Variants in TSHZ2 observed in about 807,000 individuals in gnomAD.
TSHZ2 encodes teashirt homolog 2.
A neutral mutation model predicts 74.4 loss-of-function variants in TSHZ2; 21 were observed. The observed-to-expected ratio is 0.28, with a 90% CI of 0.20 to 0.41. TSHZ2 has a LOEUF of 0.41. Among genes scored for constraint, TSHZ2 ranks in the 10% least tolerant of loss-of-function variants. TSHZ2 has a pLI of 1.00. For missense variants in TSHZ2, 1,244 were observed against 1,293.5 expected, an observed-to-expected ratio of 0.96 and a Z score of 0.59; for synonymous variants, 540 against 515.3, an observed-to-expected ratio of 1.05 and a Z score of -0.65.
intron 1 of TSHZ2, among the ~76,000 whole-genome samples, chr20:53,250,199 A>G (rs1990293762): frequency 6.6e-6 from 1 of 152,246 alleles, no homozygotes; most frequent in East Asian, 1.9e-4. Context: ...AGGAAGTTCT[A>G]TAGAGAACAG....
At chr20:53,280,679 T>A (rs1380826572) in intron 2 of TSHZ2, among the ~76,000 whole-genome samples, 3 of 149,760 alleles carry the variant, frequency 2.0e-5, no homozygotes, top group Non-Finnish European at 4.4e-5. Flanking sequence ...TTGTTGTTGT[T>A]GTTGTGTGTG....
intron 1 of TSHZ2, among the ~76,000 whole-genome samples, chr20:53,094,316 T>C (rs1279586776): frequency 6.6e-6 from 1 of 152,232 alleles, no homozygotes; most frequent in Admixed American, 6.5e-5. Flanking sequence ...AAAAACAATC[T>C]TGTAACTATT....
intron 1 of TSHZ2, among the ~76,000 whole-genome samples, chr20:52,982,585 T>C (rs1981608669): frequency 6.6e-6 from 1 of 152,240 alleles, no homozygotes; most frequent in Admixed American, 6.5e-5. Context: ...GGTATTGTTC[T>C]AGGTGCTGTA....
intron 2 of TSHZ2, among the ~76,000 whole-genome samples, chr20:53,441,924 C>T (rs950538960): frequency 4.6e-5 from 7 of 152,140 alleles, no homozygotes; most frequent in African/African-American, 9.7e-5. Flanking sequence ...TCTCTCCACT[C>T]GAGGGCTGTG....
intron 1 of TSHZ2, among the ~76,000 whole-genome samples, chr20:53,197,551 T>C (rs1465695849): frequency 1.3e-5 from 2 of 152,232 alleles, no homozygotes; most frequent in Non-Finnish European, 2.9e-5. Context: ...ATTCACACTG[T>C]GGGAAATGGC....
intron 1 of TSHZ2, among the ~76,000 whole-genome samples, chr20:53,140,637 C>A (rs576249732): frequency 6.6e-6 from 1 of 152,222 alleles, no homozygotes; most frequent in Non-Finnish European, 1.5e-5. Flanking sequence ...TGATTCTGAC[C>A]CCCATGGCTA....
At chr20:53,405,158 A>G (rs1437076582) in intron 2 of TSHZ2, among the ~76,000 whole-genome samples, 1 of 148,326 alleles carries the variant, frequency 6.7e-6, no homozygotes, top group East Asian at 1.9e-4. Context: ...CTGGGGCAGG[A>G]GAATCACTTG....
intron 1 of TSHZ2, among the ~76,000 whole-genome samples, chr20:53,225,405 GTGAT>G (rs1406494499): frequency 6.6e-6 from 1 of 152,222 alleles, no homozygotes; most frequent in Non-Finnish European, 1.5e-5. Flanking sequence ...TAACTATTGA[GTGAT>G]TGATTGATTG....
At chr20:53,154,153 GCAAT>G (rs959196054) in intron 1 of TSHZ2, among the ~76,000 whole-genome samples, 1 of 152,186 alleles carries the variant, frequency 6.6e-6, no homozygotes, top group African/African-American at 2.4e-5. Flanking sequence ...CAATTTACCA[GCAAT>G]CAGTCATACT....
intron 1 of TSHZ2, among the ~76,000 whole-genome samples, chr20:53,192,134 C>T (rs1021633493): frequency 2.0e-5 from 3 of 152,012 alleles, no homozygotes; most frequent in African/African-American, 7.2e-5. Context: ...GAAATGGAGG[C>T]TCAGAGTGGT....
At chr20:53,361,474 C>T (rs776774765) in intron 2 of TSHZ2, among the ~76,000 whole-genome samples, 20 of 152,144 alleles carry the variant, frequency 1.3e-4, no homozygotes, top group Non-Finnish European at 2.4e-4. Flanking sequence ...ATCAGAAGTA[C>T]CTGCAAAACA....
At chr20:53,143,362 A>G (rs1315603102) in intron 1 of TSHZ2, among the ~76,000 whole-genome samples, 3 of 152,090 alleles carry the variant, frequency 2.0e-5, no homozygotes, top group African/African-American at 7.2e-5. Context: ...TGTTGGGCCA[A>G]CTCCCCATGC....
chr20:53,358,768 T>A (rs1478682187), intron 2 of TSHZ2, among the ~76,000 whole-genome samples: 1 of 152,230 alleles, frequency 6.6e-6, no homozygotes, highest in East Asian at 1.9e-4. Context: ...AAACCATTCA[T>A]CCGTTAGGGT....
At chr20:53,356,690 G>A (rs1980859432) in intron 2 of TSHZ2, among the ~76,000 whole-genome samples, 1 of 152,094 alleles carries the variant, frequency 6.6e-6, no homozygotes, top group Non-Finnish European at 1.5e-5. Flanking sequence ...TTTTGGGACA[G>A]AACTCTCAAA....
intron 1 of TSHZ2, among the ~76,000 whole-genome samples, chr20:53,043,075 G>A (rs1984102599): frequency 6.6e-6 from 1 of 152,062 alleles, no homozygotes; most frequent in Non-Finnish European, 1.5e-5. Context: ...TTTTAGGTTG[G>A]CAAAGAAAGC....
At chr20:53,167,063 C>A (rs781450203) in intron 1 of TSHZ2, among the ~76,000 whole-genome samples, 3 of 152,126 alleles carry the variant, frequency 2.0e-5, no homozygotes, top group Non-Finnish European at 4.4e-5. Context: ...TGGAGGAAGA[C>A]CTTTCTACAC....
intron 1 of TSHZ2, among the ~76,000 whole-genome samples, chr20:52,976,429 C>T (rs747778453): frequency 1.4e-4 from 22 of 152,192 alleles, no homozygotes; most frequent in Non-Finnish European, 3.1e-4. Flanking sequence ...ATGCTTGCTT[C>T]CTTGGATGTA....
intron 2 of TSHZ2, among the ~76,000 whole-genome samples, chr20:53,282,328 C>T (rs868300999): frequency 2.6e-5 from 4 of 152,196 alleles, no homozygotes; most frequent in African/African-American, 4.8e-5. Flanking sequence ...ACAGGAATCA[C>T]GTTTTTGAAA....
intron 2 of TSHZ2, among the ~76,000 whole-genome samples, chr20:53,469,551 A>AGGAG (rs1287358221): frequency 8.9e-6 from 1 of 112,246 alleles, no homozygotes; most frequent in Non-Finnish European, 1.8e-5. Flanking sequence ...AAAAGAAAGA[A>AGGAG]GGAGGGAAGG....
Sources: gnomAD v4.1 joint callset for allele counts (sites outside exome capture counted in the v4.1 genomes callset) on GRCh38, gnomAD v4.1.1 for gene constraint, MANE v1.5 for transcripts, NCBI Gene and HGNC (gene_info 2026-07-23, HGNC 2026-07-21) for gene names.